SLC49A4: variants seen among roughly 807,000 people sequenced by gnomAD.
SLC49A4 encodes the protein solute carrier family 49 member 4.
A neutral mutation model predicts 50.6 loss-of-function variants in SLC49A4; 36 were observed. The ratio of observed to expected loss-of-function variants is 0.71; its 90% CI spans 0.55 to 0.94. SLC49A4 has a LOEUF of 0.94. SLC49A4 is among the 40% of genes least tolerant of loss of function. The pLI is 0.00. For missense variants in SLC49A4, 503 were observed against 605.7 expected (o/e 0.83, Z 1.78); for synonymous variants, 248 against 241.2 (o/e 1.03, Z -0.26).
intron 2 of SLC49A4, among the ~76,000 whole-genome samples, chr3:122,809,753 A>G (rs1936273825): frequency 6.6e-6 from 1 of 152,218 alleles, no homozygotes; most frequent in South Asian, 2.1e-4. Flanking sequence ...ACAAATGTAG[A>G]ACAGGTAAGA....
At chr3:122,814,765 A>G (rs2175536) in intron 2 of SLC49A4, among the ~76,000 whole-genome samples, 87,871 of 151,848 alleles carry the variant, frequency 0.58, 26,142 homozygotes, top group Non-Finnish European at 0.66. Context: ...TTTTTGTGTG[A>G]CATTTTTTTG....
chr3:122,837,067 C>G (rs531738473), intron 4 of SLC49A4, among the ~76,000 whole-genome samples: 2 of 152,126 alleles, frequency 1.3e-5, no homozygotes, highest in Non-Finnish European at 2.9e-5. Flanking sequence ...AAAGAGGATA[C>G]AAATAAATGG....
intron 2 of SLC49A4, among the ~76,000 whole-genome samples, chr3:122,820,634 T>C (rs1936436304): frequency 6.6e-6 from 1 of 152,214 alleles, no homozygotes; most frequent in African/African-American, 2.4e-5. Context: ...TGAAAAGCTA[T>C]AGTCAATTGA....
chr3:122,801,607 A>AT (rs1381397134), intron 1 of SLC49A4, among the ~76,000 whole-genome samples: 1 of 152,214 alleles, frequency 6.6e-6, no homozygotes, highest in African/African-American at 2.4e-5. Flanking sequence ...AAAAAAAGAA[A>AT]TTGAGATTAT....
chr3:122,873,658 A>T (rs1213971964), intron 8 of SLC49A4, among the ~76,000 whole-genome samples: 1 of 152,214 alleles, frequency 6.6e-6, no homozygotes, highest in Non-Finnish European at 1.5e-5. Flanking sequence ...GTCTTTGCTA[A>T]ACCTGATACA....
intron 3 of SLC49A4, among the ~76,000 whole-genome samples, chr3:122,832,446 T>G (rs947395127): frequency 1.3e-5 from 2 of 152,216 alleles, no homozygotes; most frequent in Non-Finnish European, 2.9e-5. Flanking sequence ...TAGCTAGTCT[T>G]GTGTTTAAAT....
intron 4 of SLC49A4, among the ~76,000 whole-genome samples, chr3:122,839,742 A>T (rs1249804704): frequency 1.3e-5 from 2 of 152,150 alleles, no homozygotes. Flanking sequence ...AAAACAATAG[A>T]TGTTGACATG....
intron 8 of SLC49A4, among the ~76,000 whole-genome samples, chr3:122,872,885 A>AC (rs376249243): frequency 2.8e-3 from 317 of 113,282 alleles, no homozygotes; most frequent in Middle Eastern, 0.012. Context: ...AATCCTCCCC[A>AC]CCCCCACGCC....
At position 122,825,723 on chromosome 3, in the gene SLC49A4, A is replaced by G. The variant is rs566641235; in HGVS notation, c.438-1077A>G. Among the ~76,000 whole-genome samples the G allele has an allele frequency of 1.4e-4, 21 of 151,660 alleles. No individual in the cohort carries two copies. The East Asian group carries it at 3.9e-3, about 28-fold the overall frequency. On this transcript the variant is annotated intron_variant, in intron 2 of 8. Coordinates refer to ENST00000261038, the MANE Select transcript of SLC49A4 (RefSeq NM_032839.3). ...AGATGAGTTCATATCATGAAATGTC[A>G]CATGTACTGTCCCTTCCCTTTCCTC... is the stretch of plus-strand genomic sequence containing the variant.
At chr3:122,849,295 A>T (rs911102217) in intron 5 of SLC49A4, among the ~76,000 whole-genome samples, 1 of 152,098 alleles carries the variant, frequency 6.6e-6, no homozygotes, top group Non-Finnish European at 1.5e-5. Flanking sequence ...TACTGATTTT[A>T]TATACTGATT....
chr3:122,822,881 A>C (rs528185891), intron 2 of SLC49A4, among the ~76,000 whole-genome samples: 47 of 152,238 alleles, frequency 3.1e-4, no homozygotes, highest in African/African-American at 1.1e-3. Context: ...GTTTGCACAG[A>C]GTTATGGGTG....
intron 5 of SLC49A4, among the ~76,000 whole-genome samples, chr3:122,851,208 G>T (rs564621045): frequency 1.3e-5 from 2 of 152,120 alleles, no homozygotes; most frequent in Admixed American, 1.3e-4. Context: ...TTATCTTCAT[G>T]TTTACTCATT....
At chr3:122,851,490 C>A (rs11707405) in intron 5 of SLC49A4, among the ~76,000 whole-genome samples, 14,373 of 152,080 alleles carry the variant, frequency 0.095, 748 homozygotes, top group East Asian at 0.14. Flanking sequence ...CCATTTTCTT[C>A]TGGCTTCCAT....
At chr3:122,834,503 T>C (rs1936650448) in intron 4 of SLC49A4, among the ~76,000 whole-genome samples, 1 of 152,168 alleles carries the variant, frequency 6.6e-6, no homozygotes, top group Non-Finnish European at 1.5e-5. Context: ...AATTAAATTC[T>C]TTAACATGAA....
At chr3:122,854,971 T>C (rs997512830) in intron 5 of SLC49A4, among the ~76,000 whole-genome samples, 2 of 151,904 alleles carry the variant, frequency 1.3e-5, no homozygotes, top group African/African-American at 4.8e-5. Flanking sequence ...CGGGCGCCTG[T>C]AGTCCCAGCT....
At chr3:122,827,148 C>T (rs1472102262) in intron 3 of SLC49A4, 83 bp downstream of exon 3, 1 of 1,439,276 alleles carries the variant, frequency 6.9e-7, no homozygotes, top group African/African-American at 1.4e-5. Flanking sequence ...TAACAGATAC[C>T]TTCATATGAA....
At chr3:122,822,150 A>C (rs1936462483) in intron 2 of SLC49A4, among the ~76,000 whole-genome samples, 1 of 152,186 alleles carries the variant, frequency 6.6e-6, no homozygotes, top group South Asian at 2.1e-4. Context: ...TAATGATGAC[A>C]AACAATTAAT....
At chr3:122,800,902 T>C (rs1205190607) in intron 1 of SLC49A4, among the ~76,000 whole-genome samples, 1 of 152,130 alleles carries the variant, frequency 6.6e-6, no homozygotes, top group Non-Finnish European at 1.5e-5. Flanking sequence ...GGAGAACACA[T>C]GGTTTACGAA....
At chr3:122,807,402 G>A (rs1358377182) in intron 2 of SLC49A4, among the ~76,000 whole-genome samples, 3 of 152,044 alleles carry the variant, frequency 2.0e-5, no homozygotes, top group African/African-American at 7.2e-5. Flanking sequence ...GGTATTCCAG[G>A]ATGGGGGAAT....
Sources: gnomAD v4.1 joint callset for allele counts (sites outside exome capture counted in the v4.1 genomes callset) on GRCh38, gnomAD v4.1.1 for gene constraint, MANE v1.5 for transcripts, NCBI Gene and HGNC (gene_info 2026-07-23, HGNC 2026-07-21) for gene names.